The following SLC25A13 variants were observed in gnomAD, a reference collection of about 807,000 sequenced individuals.
SLC25A13 encodes solute carrier family 25 member 13.
In SLC25A13, 70 loss-of-function variants were observed where a neutral mutation model predicts 85.5. That is an observed-to-expected ratio of 0.82 (90% CI 0.68 to 1.00). The LOEUF is 1.00. Ranked by LOEUF, SLC25A13 falls within the 50% of genes least tolerant of loss-of-function variation. The probability of loss-of-function intolerance (pLI) is 0.00; values close to 1 mark genes in which losing one functional copy is unlikely to be tolerated. For missense variants in SLC25A13, 765 were observed against 819.8 expected (o/e 0.93, Z 0.82); for synonymous variants, 259 against 288.7 (o/e 0.90, Z 1.04).
intron 3 of SLC25A13, among the ~76,000 whole-genome samples, chr7:96,248,977 C>T (rs1436000087): frequency 6.6e-6 from 1 of 151,968 alleles, no homozygotes; most frequent in East Asian, 1.9e-4. Flanking sequence ...AGCCTAATAC[C>T]TTATGAAATG....
intron 15 of SLC25A13, among the ~76,000 whole-genome samples, chr7:96,130,085 G>T (rs1318933077): frequency 1.3e-5 from 2 of 151,934 alleles, no homozygotes; most frequent in Admixed American, 6.6e-5. Flanking sequence ...ATTTAAAAAA[G>T]GAGAAAAATA....
chr7:96,315,403 C>T (rs919903941), intron 1 of SLC25A13, among the ~76,000 whole-genome samples: 1 of 152,196 alleles, frequency 6.6e-6, no homozygotes, highest in Non-Finnish European at 1.5e-5. Context: ...CAGGCATCAG[C>T]AGTTTTTTAT....
intron 4 of SLC25A13, among the ~76,000 whole-genome samples, chr7:96,221,601 T>A (rs1796133771): frequency 6.6e-6 from 1 of 152,222 alleles, no homozygotes; most frequent in South Asian, 2.1e-4. Context: ...TCCAGCAAGC[T>A]TAAAAATGAT....
intron 1 of SLC25A13, among the ~76,000 whole-genome samples, chr7:96,298,789 T>C (rs1305789131): frequency 3.9e-5 from 6 of 152,110 alleles, no homozygotes; most frequent in Admixed American, 2.0e-4. Flanking sequence ...TGCTGTTCAA[T>C]AGAGGAGAAG....
At chr7:96,152,066 A>C (rs1460714430) in intron 13 of SLC25A13, among the ~76,000 whole-genome samples, 1 of 152,256 alleles carries the variant, frequency 6.6e-6, no homozygotes, top group Non-Finnish European at 1.5e-5. Flanking sequence ...CTTGGATTCC[A>C]AGCTCAAGTG....
chr7:96,141,208 T>C (rs1792548134), intron 14 of SLC25A13, among the ~76,000 whole-genome samples: 2 of 152,062 alleles, frequency 1.3e-5, no homozygotes, highest in Non-Finnish European at 1.5e-5. Context: ...TATTTATTTT[T>C]GGAGGGATGG....
At chr7:96,196,218 T>C (rs1410048362) in intron 5 of SLC25A13, among the ~76,000 whole-genome samples, 1 of 152,138 alleles carries the variant, frequency 6.6e-6, no homozygotes, top group African/African-American at 2.4e-5. Flanking sequence ...ATGACCACAG[T>C]GCGTATTCAA....
At chr7:96,269,417 C>T (rs1798149868) in intron 3 of SLC25A13, among the ~76,000 whole-genome samples, 2 of 152,220 alleles carry the variant, frequency 1.3e-5, no homozygotes, top group Non-Finnish European at 2.9e-5. Context: ...AGCAGCCATG[C>T]CCTCACAGAG....
chr7:96,222,116 G>A (rs1287111208), intron 4 of SLC25A13, among the ~76,000 whole-genome samples: 1 of 152,170 alleles, frequency 6.6e-6, no homozygotes, highest in African/African-American at 2.4e-5. Flanking sequence ...CAGGCTTTAT[G>A]ATTCTCTCTT....
intron 3 of SLC25A13, among the ~76,000 whole-genome samples, chr7:96,269,520 T>C (rs1798155130): frequency 6.6e-6 from 1 of 152,206 alleles, no homozygotes; most frequent in Admixed American, 6.5e-5. Context: ...AGGCTGGCCC[T>C]TGGCAAAGAA....
intron 15 of SLC25A13, among the ~76,000 whole-genome samples, chr7:96,128,939 G>GCTTGCTCGCTCGCTCTCTCTCT (rs1554336579): frequency 1.2e-5 from 1 of 81,850 alleles, no homozygotes; most frequent in African/African-American, 4.3e-5. Flanking sequence ...TGCCTTGCTT[G>GCTTGCTCGCTCGCTCTCTCTCT]CTCTCTCTCT....
intron 7 of SLC25A13, among the ~76,000 whole-genome samples, chr7:96,190,283 G>A (rs1315435467): frequency 6.6e-6 from 1 of 151,738 alleles, no homozygotes; most frequent in African/African-American, 2.4e-5. Flanking sequence ...AGTAGAGACG[G>A]GGTTTCACCG....
chr7:96,163,221 T>C (rs979265434), intron 13 of SLC25A13, among the ~76,000 whole-genome samples: 4 of 152,150 alleles, frequency 2.6e-5, no homozygotes, highest in African/African-American at 7.2e-5. Context: ...TCATAAGAAG[T>C]CTTGTTTCTG....
At chr7:96,158,520 T>C (rs1273749536) in intron 13 of SLC25A13, among the ~76,000 whole-genome samples, 3 of 152,258 alleles carry the variant, frequency 2.0e-5, no homozygotes, top group South Asian at 2.1e-4. Context: ...AAAATGTATA[T>C]GAAGAATATG....
chr7:96,151,084 T>C (rs930074585), intron 13 of SLC25A13, among the ~76,000 whole-genome samples: 2 of 152,156 alleles, frequency 1.3e-5, no homozygotes, highest in East Asian at 3.9e-4. Flanking sequence ...AGCTGGGGAC[T>C]ACAGTGTGAT....
chr7:96,219,506 T>C (rs933485522), intron 4 of SLC25A13, among the ~76,000 whole-genome samples: 5 of 152,204 alleles, frequency 3.3e-5, no homozygotes, highest in African/African-American at 1.2e-4. Context: ...TTGTGATTCT[T>C]ATGAAACTAG....
intron 9 of SLC25A13, among the ~76,000 whole-genome samples, chr7:96,188,746 T>C (rs1562827508): frequency 6.6e-6 from 1 of 152,228 alleles, no homozygotes; most frequent in Non-Finnish European, 1.5e-5. Context: ...AATTTAGCAT[T>C]CCTAAAATTG....
chr7:96,301,561 T>C (rs1249860785), intron 1 of SLC25A13, among the ~76,000 whole-genome samples: 1 of 152,106 alleles, frequency 6.6e-6, no homozygotes, highest in Non-Finnish European at 1.5e-5. Context: ...AGATAAAGAA[T>C]TTTGTTGAAA....
chr7:96,189,965 A>G (rs1050250214), intron 7 of SLC25A13, among the ~76,000 whole-genome samples: 1 of 152,166 alleles, frequency 6.6e-6, no homozygotes, highest in African/African-American at 2.4e-5. Context: ...CTTCATATGC[A>G]TAGGTCCCAG....
Sources: gnomAD v4.1 joint callset for allele counts (sites outside exome capture counted in the v4.1 genomes callset) on GRCh38, gnomAD v4.1.1 for gene constraint, MANE v1.5 for transcripts, NCBI Gene and HGNC (gene_info 2026-07-23, HGNC 2026-07-21) for gene names.